KMT2E: variants seen among roughly 807,000 people sequenced by gnomAD.
KMT2E encodes the protein lysine methyltransferase 2E (inactive).
In KMT2E, 30 loss-of-function variants were observed where a neutral mutation model predicts 184.6. The observed-to-expected ratio is 0.16, with a 90% CI of 0.12 to 0.22. The LOEUF is 0.22. Ranked by LOEUF, KMT2E falls within the 10% of genes least tolerant of loss-of-function variation. KMT2E has a pLI of 1.00. For synonymous variants in KMT2E, 815 were observed against 776.5 expected, an observed-to-expected ratio of 1.05 and a Z score of -0.82; for missense variants, 2,023 against 2,237.4, an observed-to-expected ratio of 0.90 and a Z score of 1.93.
chr7:105,048,840 A>G (rs989734456), intron 3 of KMT2E, among the ~76,000 whole-genome samples: 2 of 152,232 alleles, frequency 1.3e-5, no homozygotes, highest in African/African-American at 2.4e-5. Flanking sequence ...GATTTGACCC[A>G]GGGTTCTAGT....
At chr7:105,042,223 T>C (rs1344529031) in intron 3 of KMT2E, among the ~76,000 whole-genome samples, 1 of 152,092 alleles carries the variant, frequency 6.6e-6, no homozygotes, top group Non-Finnish European at 1.5e-5. Flanking sequence ...ACTCCTGGGC[T>C]CAAGCGATCT....
chr7:105,067,595 T>C (rs147145398), intron 6 of KMT2E, among the ~76,000 whole-genome samples: 1 of 152,356 alleles, frequency 6.6e-6, no homozygotes, highest in East Asian at 1.9e-4. Context: ...TATCGTATTA[T>C]TTCATCCATG....
intron 14 of KMT2E, 140 bp downstream of exon 14, chr7:105,090,413 T>A: frequency 1.0e-6 from 1 of 975,262 alleles, no homozygotes; most frequent in Non-Finnish European, 1.5e-6. Flanking sequence ...TTCATAAGTG[T>A]AAAATACAAG....
intron 1 of KMT2E, among the ~76,000 whole-genome samples, chr7:105,019,440 A>C (rs1794855155): frequency 6.6e-6 from 1 of 152,192 alleles, no homozygotes; most frequent in Non-Finnish European, 1.5e-5. Flanking sequence ...AAACTATTTA[A>C]GCTTTTTGGG....
At chr7:105,060,142 C>T (rs1007289885) in intron 3 of KMT2E, among the ~76,000 whole-genome samples, 4 of 151,312 alleles carry the variant, frequency 2.6e-5, no homozygotes, top group Admixed American at 2.6e-4. Flanking sequence ...TTACAGGTGC[C>T]TGCCATCACC....
intron 5 of KMT2E, among the ~76,000 whole-genome samples, chr7:105,064,878 T>C (rs188449220): frequency 2.0e-5 from 3 of 152,292 alleles, no homozygotes; most frequent in African/African-American, 7.2e-5. Flanking sequence ...TCTAATGTGA[T>C]AAATTACATA....
At chr7:105,089,905 A>T in intron 13 of KMT2E, 104 bp from the exon 14 acceptor site, 1 of 1,500,258 alleles carries the variant, frequency 6.7e-7, no homozygotes, top group Non-Finnish European at 9.0e-7. Context: ...TATAATTAAT[A>T]GTAATTGCAT....
intron 22 of KMT2E, 42 bp from the exon 23 acceptor site, chr7:105,108,900 C>T (rs780397688): frequency 6.6e-7 from 1 of 1,513,434 alleles, no homozygotes; most frequent in Admixed American, 2.1e-5. Context: ...ACATAAAAAA[C>T]AAGAATAAAA....
intron 15 of KMT2E, among the ~76,000 whole-genome samples, chr7:105,095,396 G>C (rs1306132118): frequency 1.3e-5 from 2 of 152,178 alleles, no homozygotes; most frequent in African/African-American, 4.8e-5. Flanking sequence ...ATCTTGGAGA[G>C]AGCTGTAAAT....
rs1464749260 is a variant in KMT2E at position 105,066,825 on chromosome 7, G to A, written c.497+18G>A. 5.9e-6 allele frequency: 9 copies of A among 1,519,904 alleles called. No homozygotes were observed. The highest frequency in any genetic ancestry group is 8.2e-6 in the Non-Finnish European group (9 of 1,095,122). 94.2% of individuals were successfully genotyped at this position (1,519,904 alleles called of 1,614,324 possible). On this transcript the variant is annotated intron_variant, in intron 6 of 26. Coordinates refer to ENST00000311117, the MANE Select transcript of KMT2E (RefSeq NM_182931.3). ...CAGCCTAGGTAAGTTGCACATATCT[G>A]ATAACATTGCCAGTAATTTTACTGA...
chr7:105,076,705 A>G (rs968156375), intron 9 of KMT2E, among the ~76,000 whole-genome samples: 1 of 152,214 alleles, frequency 6.6e-6, no homozygotes, highest in African/African-American at 2.4e-5. Flanking sequence ...TTAGGTAGAA[A>G]AGGATAACAA....
chr7:105,081,316 G>A (rs1343712068), intron 12 of KMT2E, among the ~76,000 whole-genome samples: 5 of 151,496 alleles, frequency 3.3e-5, no homozygotes, highest in Non-Finnish European at 4.4e-5. Context: ...CCTGGGAGGC[G>A]GAGCTTGCAG....
chr7:105,042,861 C>T (rs970847167), intron 3 of KMT2E, among the ~76,000 whole-genome samples: 3 of 152,112 alleles, frequency 2.0e-5, no homozygotes, highest in South Asian at 2.1e-4. Context: ...ATTTTTTACA[C>T]CTATTAATAT....
chr7:105,112,790 C>CCT lies in KMT2E; in HGVS notation c.5035_5036insTC (p.Pro1679LeufsTer34). ...CTCAAACTGCTGGACACCACTTACC[C>CCT]CCACCCCCACCCCCTCCTGGTCCTG... On this transcript the variant is annotated frameshift_variant, in exon 27 of 27. Coordinates refer to ENST00000311117, the MANE Select transcript of KMT2E (RefSeq NM_182931.3). LOFTEE classifies it high-confidence loss of function. 1 of 1,573,218 alleles carries CCT rather than the reference C, an allele frequency of 6.4e-7. No homozygotes were observed. Among genetic ancestry groups the CCT allele is most frequent in the Non-Finnish European group, 8.7e-7 (1 of 1,154,310 alleles).
intron 13 of KMT2E, among the ~76,000 whole-genome samples, chr7:105,088,397 A>G (rs774758504): frequency 3.5e-4 from 54 of 152,230 alleles, no homozygotes; most frequent in Non-Finnish European, 7.2e-4. Context: ...TAAATGTTTG[A>G]ATTCTCTCCC....
chr7:105,095,219 GGAGA>G (rs1012189768), intron 15 of KMT2E, among the ~76,000 whole-genome samples: 3 of 152,092 alleles, frequency 2.0e-5, no homozygotes, highest in African/African-American at 4.8e-5. Flanking sequence ...GCTTATAGCT[GGAGA>G]GAGATCAGAT....
chr7:105,105,322 T>A (rs1243619061), intron 17 of KMT2E, 117 bp from the exon 18 acceptor site: 1 of 715,390 alleles, frequency 1.4e-6, no homozygotes, highest in Non-Finnish European at 2.2e-6. Flanking sequence ...TATGAATGAT[T>A]TAAATTACCC....
At chr7:105,076,834 G>A in intron 9 of KMT2E, 129 bp from the exon 10 acceptor site, 1 of 688,984 alleles carries the variant, frequency 1.5e-6, no homozygotes, top group South Asian at 1.9e-5. Flanking sequence ...GCAGTTTCTA[G>A]TTTATATTAT....
rs541275939 is a variant in KMT2E, at chr7:105,077,152, G to T, written c.958G>T (p.Asp320Tyr). ...GNDKKEMNKS[D>Y]LNTNNLLFKP... ...TGACAAAAAAGAGATGAATAAATCC[G>T]ATTTGAATACCAACAATTTGCTCTT... Residue 320 changes from aspartate (D) to tyrosine (Y), a missense_variant, in exon 10 of 27, where the codon GAT becomes TAT. Physicochemically the swap from Asp to Tyr is radical, Grantham distance 160. This residue lies in a region of KMT2E where 191 missense variants were observed against 209.0 expected (regional missense o/e 0.91). Transcript: ENST00000311117. 2.5e-6 allele frequency: 4 copies of T among 1,613,974 alleles called. No homozygotes were observed. The highest frequency in any genetic ancestry group is 2.2e-5 in the East Asian group (1 of 44,850).
Sources: gnomAD v4.1 joint callset for allele counts (sites outside exome capture counted in the v4.1 genomes callset) on GRCh38, gnomAD v4.1.1 for gene constraint, gnomAD v4.1.1 regional missense constraint, MANE v1.5 for transcripts, NCBI Gene and HGNC (gene_info 2026-07-23, HGNC 2026-07-21) for gene names.